SLC10A7: variants seen among roughly 807,000 people sequenced by gnomAD.
The protein encoded by SLC10A7 is solute carrier family 10 member 7.
In SLC10A7, 29 loss-of-function variants were observed where a neutral mutation model predicts 43.2. The observed-to-expected ratio is 0.67, with a 90% CI of 0.50 to 0.92. The LOEUF is 0.92. SLC10A7 is among the 40% of genes least tolerant of loss of function. The pLI is 0.00. For missense variants in SLC10A7, 295 were observed against 403.2 expected (o/e 0.73, Z 2.30); for synonymous variants, 152 against 144.8 (o/e 1.05, Z -0.35).
chr4:146,345,489 A>T (rs1734559572), intron 5 of SLC10A7, among the ~76,000 whole-genome samples: 1 of 152,142 alleles, frequency 6.6e-6, no homozygotes, highest in Non-Finnish European at 1.5e-5. Flanking sequence ...TCTATACGCT[A>T]GCCACAGGGC....
rs754098595 is a variant in SLC10A7, at chr4:146,509,965, G to A, written c.268C>T (p.Leu90Phe). Reference sequence around the variant, plus strand: ...GTGATTGATAAAAGCTGAAGAAAAAGCCATATTGTTGCTGGGAAGAATGCA... The same window carrying A: ...GTGATTGATAAAAGCTGAAGAAAAAACCATATTGTTGCTGGGAAGAATGCA... The part of the protein sequence containing the change: ...TLAFFPATIW[L>F]FLQLLSITPI... The change falls in exon 3 of 12, where the codon CTT (leucine) becomes TTT (phenylalanine). Residue 90 changes from leucine (L) to phenylalanine (F), a missense_variant. Leu to Phe is a conservative substitution (Grantham distance 22, BLOSUM62 0). Coordinates refer to ENST00000335472, the MANE Select transcript of SLC10A7 (RefSeq NM_001029998.6). 6.2e-7 allele frequency: 1 copy of A among 1,613,748 alleles called. No homozygotes were observed. The highest frequency in any genetic ancestry group is 8.5e-7 in the Non-Finnish European group (1 of 1,179,838).
chr4:146,451,280 C>T (rs1033987213), intron 4 of SLC10A7, among the ~76,000 whole-genome samples: 1 of 145,978 alleles, frequency 6.9e-6, no homozygotes, highest in Non-Finnish European at 1.5e-5. Flanking sequence ...GCTGGCTTCA[C>T]TGCTGAATTC....
intron 9 of SLC10A7, among the ~76,000 whole-genome samples, chr4:146,286,677 T>A (rs1414408778): frequency 1.9e-3 from 233 of 125,768 alleles, no homozygotes; most frequent in African/African-American, 2.0e-3. Flanking sequence ...AGAAGGACCG[T>A]GTCTGGAGTG....
At chr4:146,393,187 G>A (rs1238350532) in intron 5 of SLC10A7, among the ~76,000 whole-genome samples, 12 of 66,244 alleles carry the variant, frequency 1.8e-4, no homozygotes, top group African/African-American at 7.8e-4. Flanking sequence ...GCAAGGCCCT[G>A]TCTCAAAAAA....
intron 5 of SLC10A7, among the ~76,000 whole-genome samples, chr4:146,420,929 A>C (rs1158041041): frequency 6.6e-6 from 1 of 152,074 alleles, no homozygotes; most frequent in Non-Finnish European, 1.5e-5. Flanking sequence ...AGGAAGGCTG[A>C]GGTGGGAGGA....
At position 146,259,611 on chromosome 4, in the gene SLC10A7, G is replaced by A. The variant is rs147172283; in HGVS notation, c.848-774C>T. Among the ~76,000 whole-genome samples, 27 of 152,236 alleles carry A rather than the reference G, an allele frequency of 1.8e-4. No homozygotes were observed. In the South Asian group the frequency reaches 2.5e-3, roughly 14 times the overall value. ...GTGAGACCCTGTCTCGAAAATCAGG[G>A]CTGAATGTTTAAACTCCACAGTGAA... On this transcript the variant is annotated intron_variant, in intron 10 of 11. Coordinates refer to ENST00000335472, the MANE Select transcript of SLC10A7 (RefSeq NM_001029998.6).
intron 4 of SLC10A7, among the ~76,000 whole-genome samples, chr4:146,463,771 C>T (rs933120298): frequency 6.6e-6 from 1 of 150,920 alleles, no homozygotes; most frequent in Non-Finnish European, 1.5e-5. Context: ...AATTCAGGTC[C>T]ATAAAAAGAT....
In SLC10A7 at chr4:146,402,718, T is replaced by C. The variant is rs553777651; in HGVS notation, c.435+40065A>G. On this transcript the variant is annotated intron_variant, in intron 5 of 11. Coordinates refer to ENST00000335472, the MANE Select transcript of SLC10A7 (RefSeq NM_001029998.6). ...TGGGAATAATATAGGCTAGCAATTG[T>C]TTTCTAACTCCATTTCGCCTTGAAG... Among the ~76,000 whole-genome samples the C allele has an allele frequency of 2.2e-4, 34 of 152,322 alleles. No homozygotes were observed. The South Asian group carries it at 3.1e-3, about 14-fold the overall frequency.
intron 4 of SLC10A7, among the ~76,000 whole-genome samples, chr4:146,472,845 G>C (rs930028304): frequency 2.0e-5 from 3 of 152,136 alleles, no homozygotes; most frequent in South Asian, 2.1e-4. Flanking sequence ...CGTTTCCAGA[G>C]GATTGACTTA....
intron 4 of SLC10A7, among the ~76,000 whole-genome samples, chr4:146,484,270 C>T (rs1217806719): frequency 1.3e-5 from 2 of 152,196 alleles, no homozygotes; most frequent in African/African-American, 4.8e-5. Flanking sequence ...AGAAGGACTA[C>T]TTGAGCCCAG....
At chr4:146,419,023 TA>T (rs1300777945) in intron 5 of SLC10A7, among the ~76,000 whole-genome samples, 4 of 152,212 alleles carry the variant, frequency 2.6e-5, no homozygotes, top group African/African-American at 9.6e-5. Flanking sequence ...AAGATATGCA[TA>T]AGGCAAGGCA....
At chr4:146,408,680 T>C (rs192468172) in intron 5 of SLC10A7, 3 of 152,224 alleles carry the variant, frequency 2.0e-5, no homozygotes, top group Non-Finnish European at 2.9e-5. Context: ...TGTTCAACAA[T>C]ATAAAGTTGA....
At chr4:146,267,669 C>A (rs1374220001) in intron 10 of SLC10A7, among the ~76,000 whole-genome samples, 1 of 152,168 alleles carries the variant, frequency 6.6e-6, no homozygotes, top group African/African-American at 2.4e-5. Context: ...AGCATCAGAA[C>A]CTCTACTGTT....
chr4:146,426,810 G>A (rs1729392296), intron 5 of SLC10A7, among the ~76,000 whole-genome samples: 1 of 151,858 alleles, frequency 6.6e-6, no homozygotes, highest in Non-Finnish European at 1.5e-5. Flanking sequence ...GGGAGGCGGA[G>A]GTTGCAGTGA....
In SLC10A7 at chr4:146,484,734, A is replaced by G. The variant is rs73852871; in HGVS notation, c.396+19115T>C. ...TTTAAATAAAAGGGAAAATAAAGTT[A>G]TTCCTATTACTGGTATCAGATTAGC... On this transcript the variant is annotated intron_variant, in intron 4 of 11. Transcript: ENST00000335472. 6.5e-3 allele frequency among the ~76,000 whole-genome samples: 993 copies of G among 152,320 alleles called. 10 individuals carry two copies. The highest frequency in any genetic ancestry group is 0.02 in the African/African-American group (818 of 41,572).
At chr4:146,380,295 G>A (rs1326580435) in intron 5 of SLC10A7, among the ~76,000 whole-genome samples, 7 of 152,140 alleles carry the variant, frequency 4.6e-5, no homozygotes, top group Admixed American at 4.6e-4. Context: ...CACATAGGTT[G>A]CCTAAATTAA....
intron 6 of SLC10A7, among the ~76,000 whole-genome samples, chr4:146,306,636 G>A (rs777491727): frequency 1.3e-5 from 2 of 151,588 alleles, no homozygotes; most frequent in African/African-American, 2.4e-5. Flanking sequence ...TTCTTTCTTC[G>A]TTAACAATTA....
intron 4 of SLC10A7, among the ~76,000 whole-genome samples, chr4:146,496,614 T>C (rs190181968): frequency 1.3e-5 from 2 of 152,286 alleles, no homozygotes; most frequent in Admixed American, 6.5e-5. Flanking sequence ...CCTTGTTAAG[T>C]GCCCCAGTTT....
At chr4:146,397,912 G>A (rs778099018) in intron 5 of SLC10A7, among the ~76,000 whole-genome samples, 1 of 152,166 alleles carries the variant, frequency 6.6e-6, no homozygotes, top group Non-Finnish European at 1.5e-5. Flanking sequence ...AATAACAAAC[G>A]AAGTTGTTCA....
Sources: gnomAD v4.1 joint callset for allele counts (sites outside exome capture counted in the v4.1 genomes callset) on GRCh38, gnomAD v4.1.1 for gene constraint, MANE v1.5 for transcripts, NCBI Gene and HGNC (gene_info 2026-07-23, HGNC 2026-07-21) for gene names.